ASPSCR1: variants seen among roughly 807,000 people sequenced by gnomAD.
ASPSCR1 encodes ASPSCR1 tether for SLC2A4, UBX domain containing, also known as tether containing UBX domain for GLUT4.
ASPSCR1 carries 55 observed loss-of-function variants against 68.9 expected under a neutral mutation model. The observed-to-expected ratio is 0.80, with a 90% CI of 0.64 to 1.00. The LOEUF (loss-of-function observed/expected upper bound fraction) is 1.00, where lower values mean the gene tolerates loss of function less well. Ranked by LOEUF, ASPSCR1 falls within the 50% of genes least tolerant of loss-of-function variation. ASPSCR1 has a pLI of 0.00. For missense variants in ASPSCR1, 765 were observed against 762.2 expected, an observed-to-expected ratio of 1.00 and a Z score of -0.04; for synonymous variants, 352 against 332.6, an observed-to-expected ratio of 1.06 and a Z score of -0.63.
chr17:82,013,277 T>G (rs1433197074), intron 12 of ASPSCR1: 1 of 152,140 alleles, frequency 6.6e-6, no homozygotes, highest in Admixed American at 6.5e-5. Flanking sequence ...TTGATAAACA[T>G]TGAATTTGGA....
intron 12 of ASPSCR1, chr17:82,014,929 C>A: frequency 9.9e-7 from 1 of 1,007,360 alleles, no homozygotes; most frequent in Non-Finnish European, 1.4e-6. Flanking sequence ...TTCTCCCTGT[C>A]AGCCGAGGGA....
rs185732824 is a variant in ASPSCR1 at position 81,986,069 on chromosome 17, G to A, written c.374+462G>A. Among the ~76,000 whole-genome samples, 37 of 152,170 alleles carry A rather than the reference G, an allele frequency of 2.4e-4. 1 individual carries two copies. The East Asian group carries it at 5.8e-3, about 24-fold the overall frequency. ...TTCTCCCATCTCAGCCTCCCAAAGC[G>A]TTGAGATTACAGGTGTGAGCTCCTG... On this transcript the variant is annotated intron_variant, in intron 4 of 15. Transcript: ENST00000306739. This position sits in a 1 kb window ranked among gnomAD's most constrained non-coding sequence, Gnocchi z 5.2.
intron 11 of ASPSCR1, 77 bp from the exon 12 acceptor site, chr17:82,012,154 A>G: frequency 1.3e-6 from 2 of 1,506,974 alleles, no homozygotes; most frequent in East Asian, 2.3e-5. Flanking sequence ...CCCCATCTGC[A>G]GGCCTGTCTT....
intron 4 of ASPSCR1, among the ~76,000 whole-genome samples, chr17:81,993,717 C>T (rs532338354): frequency 6.6e-6 from 1 of 152,380 alleles, no homozygotes; most frequent in Non-Finnish European, 1.5e-5. Context: ...CTCCCAGTAC[C>T]CCCCATCCCG....
At chr17:81,991,916 C>T (rs1008639970) in intron 4 of ASPSCR1, among the ~76,000 whole-genome samples, 95 of 152,376 alleles carry the variant, frequency 6.2e-4, no homozygotes, top group African/African-American at 2.2e-3. Context: ...CACACAGCCG[C>T]GCCTTGCCGG....
rs1424320991 is a variant in ASPSCR1, at chr17:82,017,389, G to A, written c.*67G>A. On this transcript the variant is annotated 3_prime_UTR_variant, in exon 16 of 16. Coordinates refer to ENST00000306739, the MANE Select transcript of ASPSCR1 (RefSeq NM_024083.4). ...CACCTCCTCTGCCAGCAGGAATAAA[G>A]ACTTGTGCATCCCTCAACGCCTTCC... 1.2e-6 allele frequency: 2 copies of A among 1,608,248 alleles called. No homozygotes were observed. The highest frequency in any genetic ancestry group is 1.7e-6 in the Non-Finnish European group (2 of 1,177,178).
rs1201575805 is a variant in ASPSCR1, at chr17:81,987,991, C to G, written c.374+2384C>G. 6.6e-6 allele frequency among the ~76,000 whole-genome samples: 1 copy of G among 151,522 alleles called. No individual in the cohort carries two copies. The highest frequency in any genetic ancestry group is 1.5e-5 in the Non-Finnish European group (1 of 67,934). On this transcript the variant is annotated intron_variant, in intron 4 of 15. Transcript: ENST00000306739. This position sits in a 1 kb window ranked among gnomAD's most constrained non-coding sequence, Gnocchi z 5.6. ...TGGCCAATATGGTGAAACTCCATCT[C>G]TACTAAAAATACAAAAATTAGCCGG...
chr17:82,014,932 C>A, intron 12 of ASPSCR1: 1 of 1,025,342 alleles, frequency 9.8e-7, no homozygotes, highest in Non-Finnish European at 1.4e-6. Context: ...TCCCTGTCAG[C>A]CGAGGGAGCC....
intron 7 of ASPSCR1, among the ~76,000 whole-genome samples, chr17:82,000,541 C>G (rs1294178697): frequency 6.6e-6 from 1 of 152,196 alleles, no homozygotes; most frequent in East Asian, 1.9e-4. Context: ...GGGAACAAAA[C>G]AGAACTTTTT....
At chr17:82,013,331 C>T (rs1025749295) in intron 12 of ASPSCR1, 2 of 152,212 alleles carry the variant, frequency 1.3e-5, no homozygotes, top group Admixed American at 1.3e-4. Flanking sequence ...GGCCTGCAGC[C>T]CACCCTCCCG....
intron 7 of ASPSCR1, chr17:82,006,139 G>A (rs1187668714): frequency 6.6e-6 from 1 of 152,402 alleles, no homozygotes; most frequent in Non-Finnish European, 1.5e-5. Context: ...GCGTGCTTGG[G>A]GTGTGTGTGC....
chr17:81,985,723 C>T, intron 4 of ASPSCR1, 116 bp downstream of exon 4: 1 of 1,045,324 alleles, frequency 9.6e-7, no homozygotes, highest in Non-Finnish European at 1.4e-6. Context: ...TGTGGTGCCT[C>T]TTGGCACTTT....
intron 8 of ASPSCR1, 57 bp from the exon 9 acceptor site, chr17:82,009,429 T>A: frequency 6.7e-7 from 1 of 1,498,806 alleles, no homozygotes; most frequent in Non-Finnish European, 9.0e-7. Flanking sequence ...GCCCGGGGCC[T>A]GTTGCCAGGG....
intron 5 of ASPSCR1, chr17:81,995,157 T>A: frequency 2.0e-6 from 1 of 496,892 alleles, no homozygotes; most frequent in East Asian, 3.4e-5. Flanking sequence ...GCTCGGTGTT[T>A]TGATCATTTT....
intron 7 of ASPSCR1, among the ~76,000 whole-genome samples, chr17:82,002,153 C>T (rs1490263044): frequency 6.6e-6 from 1 of 150,434 alleles, no homozygotes; most frequent in African/African-American, 2.4e-5. Flanking sequence ...TGCACCTGGC[C>T]TCTTTTCATC....
At chr17:81,997,559 C>G (rs1015622920) in intron 7 of ASPSCR1, among the ~76,000 whole-genome samples, 1 of 148,572 alleles carries the variant, frequency 6.7e-6, no homozygotes, top group Non-Finnish European at 1.5e-5. Context: ...GCGATCTCGG[C>G]TCACTGCAGC....
At chr17:82,007,676 G>A (rs2042766914) in intron 7 of ASPSCR1, 1 of 152,302 alleles carries the variant, frequency 6.6e-6, no homozygotes, top group African/African-American at 2.4e-5. Context: ...GGAGGCTCTG[G>A]ACCAGGCTGC....
At position 81,986,739 on chromosome 17, in the gene ASPSCR1, G is replaced by A. The variant is rs939415588; in HGVS notation, c.374+1132G>A. On this transcript the variant is annotated intron_variant, in intron 4 of 15. Transcript: ENST00000306739. This position sits in a 1 kb window ranked among gnomAD's most constrained non-coding sequence, Gnocchi z 5.2. ...GCATAGGGCCTGTGGGAAGGTGACCGCGCGTCGGGCGCTGGGAAGGTGACT... is the reference window on the plus strand; with the variant it reads ...GCATAGGGCCTGTGGGAAGGTGACCACGCGTCGGGCGCTGGGAAGGTGACT... Among the ~76,000 whole-genome samples the A allele has an allele frequency of 6.6e-6, 1 of 152,258 alleles. No homozygotes were observed. The highest frequency in any genetic ancestry group is 1.5e-5 in the Non-Finnish European group (1 of 68,050).
intron 3 of ASPSCR1, 111 bp from the exon 4 acceptor site, chr17:81,985,396 G>T (rs1438059357): frequency 2.4e-5 from 27 of 1,143,924 alleles, no homozygotes; most frequent in Non-Finnish European, 3.0e-5. Context: ...CCTCTCCCTG[G>T]AGGCCAGGGC....
Sources: gnomAD v4.1 joint callset for allele counts (sites outside exome capture counted in the v4.1 genomes callset) on GRCh38, gnomAD v4.1.1 for gene constraint, Gnocchi (gnomAD v3.1) non-coding constraint, MANE v1.5 for transcripts, NCBI Gene and HGNC (gene_info 2026-07-23, HGNC 2026-07-21) for gene names.